CDK14: variants seen among roughly 807,000 people sequenced by gnomAD.
The protein encoded by CDK14 is cyclin dependent kinase 14.
In CDK14, 34 loss-of-function variants were observed where a neutral mutation model predicts 60.7. The ratio of observed to expected loss-of-function variants is 0.56; its 90% CI spans 0.43 to 0.75. The LOEUF is 0.75. CDK14 is among the 30% of genes least tolerant of loss of function. The probability of loss-of-function intolerance (pLI) is 0.00; values close to 1 mark genes in which losing one functional copy is unlikely to be tolerated. For missense variants in CDK14, 482 were observed against 564.1 expected, an observed-to-expected ratio of 0.85 and a Z score of 1.47; for synonymous variants, 197 against 203.7, an observed-to-expected ratio of 0.97 and a Z score of 0.28.
intron 2 of CDK14, among the ~76,000 whole-genome samples, chr7:90,650,571 T>A (rs188910865): frequency 1.3e-5 from 2 of 152,350 alleles, no homozygotes; most frequent in African/African-American, 4.8e-5. Context: ...GGTTTTCTTC[T>A]AGGGTTTTTA....
At chr7:91,008,125 G>A (rs1379766139) in intron 10 of CDK14, among the ~76,000 whole-genome samples, 7 of 63,810 alleles carry the variant, frequency 1.1e-4, no homozygotes, top group Non-Finnish European at 8.7e-5. Context: ...CCGGGAGAAG[G>A]CCAAAAAAAA....
intron 14 of CDK14, among the ~76,000 whole-genome samples, chr7:91,195,279 C>T (rs1223051265): frequency 6.6e-6 from 1 of 152,120 alleles, no homozygotes; most frequent in East Asian, 1.9e-4. Flanking sequence ...TTTCGGAACT[C>T]CCAATGCTAC....
intron 14 of CDK14, among the ~76,000 whole-genome samples, chr7:91,127,368 G>A (rs897080240): frequency 2.6e-5 from 4 of 152,072 alleles, no homozygotes; most frequent in African/African-American, 7.2e-5. Context: ...GGGCAATTGC[G>A]GCAATTCGAC....
At chr7:90,946,813 G>A (rs1584153913) in intron 8 of CDK14, among the ~76,000 whole-genome samples, 1 of 152,198 alleles carries the variant, frequency 6.6e-6, no homozygotes, top group African/African-American at 2.4e-5. Flanking sequence ...ACAAAAAACT[G>A]TCCTTAGGAT....
At chr7:90,695,298 TA>T (rs1339005697) in intron 2 of CDK14, among the ~76,000 whole-genome samples, 1 of 152,214 alleles carries the variant, frequency 6.6e-6, no homozygotes, top group Non-Finnish European at 1.5e-5. Flanking sequence ...TATGAGGTCC[TA>T]AAAATATAAC....
At chr7:90,894,158 G>C (rs1792224393) in intron 6 of CDK14, among the ~76,000 whole-genome samples, 1 of 152,004 alleles carries the variant, frequency 6.6e-6, no homozygotes, top group Non-Finnish European at 1.5e-5. Flanking sequence ...CAATGTGCTG[G>C]ACAATGTTCT....
intron 12 of CDK14, chr7:91,107,355 G>C (rs1179188265): frequency 6.6e-6 from 1 of 152,138 alleles, no homozygotes; most frequent in Admixed American, 6.5e-5. Flanking sequence ...GTCACACACA[G>C]GACATTCTAG....
At chr7:91,171,859 C>T (rs1372300434) in intron 14 of CDK14, among the ~76,000 whole-genome samples, 1 of 152,130 alleles carries the variant, frequency 6.6e-6, no homozygotes, top group Non-Finnish European at 1.5e-5. Flanking sequence ...GTTGGTTAGG[C>T]TGGTCTCGAA....
chr7:90,665,011 G>C (rs1187450711), intron 2 of CDK14, among the ~76,000 whole-genome samples: 1 of 152,054 alleles, frequency 6.6e-6, no homozygotes, highest in African/African-American at 2.4e-5. Flanking sequence ...GCCAGGCAAG[G>C]TGGCTCACAC....
chr7:91,197,349 G>A (rs1327158438), intron 14 of CDK14, among the ~76,000 whole-genome samples: 1 of 147,828 alleles, frequency 6.8e-6, no homozygotes, highest in East Asian at 2.0e-4. Flanking sequence ...GCAGTGAGCC[G>A]AGATCACACC....
chr7:90,968,127 C>T (rs1273792084), intron 9 of CDK14, among the ~76,000 whole-genome samples: 1 of 152,094 alleles, frequency 6.6e-6, no homozygotes, highest in East Asian at 1.9e-4. Flanking sequence ...GTATGAATTA[C>T]TATAAGTTAA....
intron 9 of CDK14, among the ~76,000 whole-genome samples, chr7:90,974,709 C>T (rs1428842786): frequency 1.3e-5 from 2 of 152,010 alleles, no homozygotes; most frequent in Non-Finnish European, 2.9e-5. Flanking sequence ...TTAACAATAT[C>T]TTTTTGAGAA....
chr7:90,650,151 C>G (rs995351589), intron 2 of CDK14, among the ~76,000 whole-genome samples: 1 of 152,238 alleles, frequency 6.6e-6, no homozygotes, highest in Non-Finnish European at 1.5e-5. Flanking sequence ...GATCACCATT[C>G]TAACTGGCGT....
At chr7:91,039,475 T>C (rs1285150444) in intron 10 of CDK14, among the ~76,000 whole-genome samples, 1 of 152,204 alleles carries the variant, frequency 6.6e-6, no homozygotes, top group Non-Finnish European at 1.5e-5. Flanking sequence ...GTGAAAAACG[T>C]GGGTCCCCTC....
At chr7:90,773,893 T>C (rs1804899422) in intron 4 of CDK14, among the ~76,000 whole-genome samples, 1 of 88,370 alleles carries the variant, frequency 1.1e-5, no homozygotes, top group Non-Finnish European at 2.1e-5. Context: ...TCTCCTCTCC[T>C]CTTTTCTTTC....
chr7:90,860,787 T>C (rs1344585704), intron 5 of CDK14, among the ~76,000 whole-genome samples: 3 of 152,152 alleles, frequency 2.0e-5, no homozygotes, highest in Admixed American at 6.5e-5. Context: ...CCTCCCAAAG[T>C]GCTGGGATTA....
intron 12 of CDK14, among the ~76,000 whole-genome samples, chr7:91,104,271 C>T (rs1000482613): frequency 2.0e-5 from 3 of 152,000 alleles, no homozygotes; most frequent in Admixed American, 1.3e-4. Context: ...CAGTGACCTG[C>T]GATAGAACAC....
chr7:90,812,741 G>A (rs974630616), intron 5 of CDK14, among the ~76,000 whole-genome samples: 4 of 152,114 alleles, frequency 2.6e-5, no homozygotes, highest in Non-Finnish European at 5.9e-5. Context: ...CCAGTATAAC[G>A]GTTATAATTG....
intron 8 of CDK14, among the ~76,000 whole-genome samples, chr7:90,952,739 G>A (rs1285951118): frequency 6.6e-6 from 1 of 152,122 alleles, no homozygotes; most frequent in Middle Eastern, 3.2e-3. Flanking sequence ...TTTTTAAAAG[G>A]TAGTGTAGCT....
Sources: gnomAD v4.1 joint callset for allele counts (sites outside exome capture counted in the v4.1 genomes callset) on GRCh38, gnomAD v4.1.1 for gene constraint, MANE v1.5 for transcripts, NCBI Gene and HGNC (gene_info 2026-07-23, HGNC 2026-07-21) for gene names.